Variants in PHLPP1 observed in about 807,000 individuals in gnomAD.
PHLPP1 encodes PH domain and leucine rich repeat protein phosphatase 1, also known as PH domain leucine-rich repeat-containing protein phosphatase 1.
In PHLPP1, 42 loss-of-function variants were observed where a neutral mutation model predicts 117.2. The ratio of observed to expected loss-of-function variants is 0.36; its 90% CI spans 0.28 to 0.46. PHLPP1 has a LOEUF of 0.46. PHLPP1 is among the 20% of genes least tolerant of loss of function. The pLI is 1.00. For missense variants in PHLPP1, 2,084 were observed against 2,241.9 expected, an observed-to-expected ratio of 0.93 and a Z score of 1.42; for synonymous variants, 1,042 against 970.7, an observed-to-expected ratio of 1.07 and a Z score of -1.37.
intron 2 of PHLPP1, among the ~76,000 whole-genome samples, chr18:62,831,411 C>T (rs886597651): frequency 6.6e-6 from 1 of 151,332 alleles, no homozygotes; most frequent in African/African-American, 2.4e-5. Flanking sequence ...AATCCCAGCT[C>T]ACTGCAACCT....
At chr18:62,813,267 T>A (rs1914175496) in intron 1 of PHLPP1, among the ~76,000 whole-genome samples, 1 of 152,216 alleles carries the variant, frequency 6.6e-6, no homozygotes, top group African/African-American at 2.4e-5. Context: ...AGAAGATACC[T>A]TCTCATACAT....
At chr18:62,972,457 C>CTGGGCCTG in intron 14 of PHLPP1, 57 bp from the exon 15 acceptor site, 1 of 1,493,900 alleles carries the variant, frequency 6.7e-7, no homozygotes, top group East Asian at 2.3e-5. Context: ...AAGCACTGGG[C>CTGGGCCTG]TGGGCCTGGA....
intron 10 of PHLPP1, among the ~76,000 whole-genome samples, chr18:62,931,342 C>T (rs1253936755): frequency 2.6e-5 from 4 of 152,004 alleles, no homozygotes; most frequent in Non-Finnish European, 4.4e-5. Flanking sequence ...CTCTGGGATA[C>T]AGCAAAGGGA....
intron 14 of PHLPP1, among the ~76,000 whole-genome samples, chr18:62,969,344 AT>A (rs1380137781): frequency 6.6e-6 from 1 of 151,960 alleles, no homozygotes; most frequent in East Asian, 1.9e-4. Flanking sequence ...AGAGTTGTAA[AT>A]TTTTTTCTAA....
At chr18:62,843,554 T>TAAAGAG (rs1915104989) in intron 3 of PHLPP1, among the ~76,000 whole-genome samples, 1 of 152,234 alleles carries the variant, frequency 6.6e-6, no homozygotes, top group Non-Finnish European at 1.5e-5. Flanking sequence ...ACCAAAATAA[T>TAAAGAG]ACCCAAGGCA....
At position 62,715,609 on chromosome 18, in the gene PHLPP1, C is replaced by T; in HGVS notation, c.-75C>T. 9.6e-7 allele frequency: 1 copy of T among 1,040,852 alleles called. No homozygotes were observed. Among genetic ancestry groups the T allele is most frequent in the Non-Finnish European group, 1.2e-6 (1 of 808,378 alleles). 64.5% of individuals were successfully genotyped at this position (1,040,852 alleles called of 1,614,324 possible). On this transcript the variant is annotated 5_prime_UTR_variant, in exon 1 of 17. Coordinates refer to ENST00000262719, the MANE Select transcript of PHLPP1 (RefSeq NM_194449.4). Reference sequence around the variant, plus strand: ...CCTTCTCCGCGCGCCGCCGCCGTCTCCCACCTCCGCCTCATCGCCTCCCTC... The same window carrying T: ...CCTTCTCCGCGCGCCGCCGCCGTCTTCCACCTCCGCCTCATCGCCTCCCTC...
At chr18:62,827,944 A>G (rs958231617) in intron 1 of PHLPP1, among the ~76,000 whole-genome samples, 1 of 152,062 alleles carries the variant, frequency 6.6e-6, no homozygotes, top group Non-Finnish European at 1.5e-5. Flanking sequence ...TAAATGTGAC[A>G]GGTTAACAAG....
At chr18:62,838,730 A>G (rs1378931243) in intron 2 of PHLPP1, 54 bp from the exon 3 acceptor site, 6 of 1,592,198 alleles carry the variant, frequency 3.8e-6, no homozygotes, top group African/African-American at 1.3e-5. Flanking sequence ...AGTGAAATAC[A>G]TCAGTGGTTC....
chr18:62,766,076 A>AAAAAAAAAAAAAATATAT, intron 1 of PHLPP1, among the ~76,000 whole-genome samples: 30 of 21,656 alleles, frequency 1.4e-3, no homozygotes, highest in African/African-American at 4.2e-3. Context: ...AAAAAAAAAA[A>AAAAAAAAAAAAAATATAT]ATATATATAT....
At chr18:62,734,236 C>G (rs911500567) in intron 1 of PHLPP1, among the ~76,000 whole-genome samples, 39 of 151,888 alleles carry the variant, frequency 2.6e-4, no homozygotes, top group Admixed American at 2.3e-3. Context: ...ATACGTACAC[C>G]ACATTCATGT....
chr18:62,804,966 T>C (rs1177616682), intron 1 of PHLPP1, among the ~76,000 whole-genome samples: 1 of 146,564 alleles, frequency 6.8e-6, no homozygotes, highest in Non-Finnish European at 1.5e-5. Context: ...GCATAGGTTA[T>C]ACATATACAG....
At chr18:62,933,824 T>C (rs1256770572) in intron 10 of PHLPP1, among the ~76,000 whole-genome samples, 1 of 152,082 alleles carries the variant, frequency 6.6e-6, no homozygotes, top group Non-Finnish European at 1.5e-5. Flanking sequence ...TACAGAATGG[T>C]AGAAAATATT....
intron 4 of PHLPP1, among the ~76,000 whole-genome samples, chr18:62,866,242 G>GT (rs1197868322): frequency 1.3e-5 from 2 of 149,656 alleles, no homozygotes; most frequent in East Asian, 1.9e-4. Flanking sequence ...TTGTTTTTGT[G>GT]TTTTTTGTTT....
rs558026353 is a variant in PHLPP1, at chr18:62,852,785, A to G, written c.1900-7650A>G. On this transcript the variant is annotated intron_variant, in intron 3 of 16. Transcript: ENST00000262719. ...GATAAATACAACTTTACTAAAGTAT[A>G]GAGGGGGCAAAATCATCACATTAAT... 2.0e-5 allele frequency among the ~76,000 whole-genome samples: 3 copies of G among 152,350 alleles called. No individual in the cohort carries two copies. The South Asian group carries it at 6.2e-4, about 32-fold the overall frequency.
At chr18:62,791,892 T>A (rs1913468864) in intron 1 of PHLPP1, among the ~76,000 whole-genome samples, 2 of 152,310 alleles carry the variant, frequency 1.3e-5, no homozygotes, top group Middle Eastern at 3.4e-3. Context: ...TAAATTGGAT[T>A]CGTACCCATT....
intron 14 of PHLPP1, among the ~76,000 whole-genome samples, chr18:62,963,835 A>G (rs754053848): frequency 4.6e-5 from 7 of 152,246 alleles, no homozygotes; most frequent in Non-Finnish European, 8.8e-5. Flanking sequence ...AAACAGAGAT[A>G]GTATTAAAGG....
intron 4 of PHLPP1, among the ~76,000 whole-genome samples, chr18:62,861,097 A>G (rs1915620950): frequency 1.3e-5 from 2 of 152,122 alleles, no homozygotes; most frequent in Non-Finnish European, 2.9e-5. Flanking sequence ...ATGTTAAATA[A>G]ATAGAACCTG....
At chr18:62,721,801 A>T (rs1871105) in intron 1 of PHLPP1, among the ~76,000 whole-genome samples, 22 of 152,204 alleles carry the variant, frequency 1.4e-4, no homozygotes, top group Non-Finnish European at 2.9e-4. Flanking sequence ...CAAATCACCC[A>T]CCTTAAATGA....
At chr18:62,820,987 T>G (rs1456900308) in intron 1 of PHLPP1, among the ~76,000 whole-genome samples, 1 of 152,208 alleles carries the variant, frequency 6.6e-6, no homozygotes, top group Non-Finnish European at 1.5e-5. Flanking sequence ...ACGTGTCAAT[T>G]AAATTACATA....
Sources: allele counts gnomAD v4.1 joint callset (sites outside exome capture counted in the v4.1 genomes callset), GRCh38; gene constraint gnomAD v4.1.1; transcripts MANE v1.5; gene names NCBI Gene and HGNC (gene_info 2026-07-23, HGNC 2026-07-21).